CLASP2: variants seen among roughly 807,000 people sequenced by gnomAD.
CLASP2 encodes the protein cytoplasmic linker associated protein 2.
A neutral mutation model predicts 194.4 loss-of-function variants in CLASP2; 47 were observed. The observed-to-expected ratio is 0.24, with a 90% CI of 0.19 to 0.31. The LOEUF is 0.31. Ranked by LOEUF, CLASP2 falls within the 10% of genes least tolerant of loss-of-function variation. The pLI is 1.00. For synonymous variants in CLASP2, 619 were observed against 633.5 expected, an observed-to-expected ratio of 0.98 and a Z score of 0.34; for missense variants, 1,445 against 1,823.6, an observed-to-expected ratio of 0.79 and a Z score of 3.78.
intron 29 of CLASP2, among the ~76,000 whole-genome samples, chr3:33,554,256 T>C (rs2060538761): frequency 6.7e-6 from 1 of 149,010 alleles, no homozygotes; most frequent in African/African-American, 2.5e-5. Context: ...GTAATCAACC[T>C]AAGTGTCTAT....
At chr3:33,716,705 A>G (rs2093316751) in intron 1 of CLASP2, among the ~76,000 whole-genome samples, 2 of 152,214 alleles carry the variant, frequency 1.3e-5, no homozygotes, top group Non-Finnish European at 2.9e-5. Flanking sequence ...TAAAAATAAT[A>G]ATCAAGAGAT....
At chr3:33,697,035 AT>A (rs1322053442) in intron 1 of CLASP2, 102 bp from the exon 2 acceptor site, 7 of 700,540 alleles carry the variant, frequency 1.0e-5, no homozygotes, top group Non-Finnish European at 1.4e-5. Context: ...AATATATTAC[AT>A]TTTTTAAAAA....
At chr3:33,526,330 C>T (rs1366843537) in intron 34 of CLASP2, among the ~76,000 whole-genome samples, 1 of 152,004 alleles carries the variant, frequency 6.6e-6, no homozygotes, top group East Asian at 1.9e-4. Context: ...AGGTTGCAAT[C>T]CTAATTTCAG....
At chr3:33,668,564 C>T (rs1210451666) in intron 6 of CLASP2, among the ~76,000 whole-genome samples, 1 of 152,044 alleles carries the variant, frequency 6.6e-6, no homozygotes, top group Non-Finnish European at 1.5e-5. Flanking sequence ...AGGTGTAAAC[C>T]GAAATTAATC....
At chr3:33,512,481 G>A (rs795940) in intron 36 of CLASP2, among the ~76,000 whole-genome samples, 2 of 31,072 alleles carry the variant, frequency 6.4e-5, no homozygotes, top group East Asian at 9.4e-4. Flanking sequence ...TGGGTGCAGC[G>A]CACCAGCATG....
At chr3:33,714,148 T>C (rs2093173350) in intron 1 of CLASP2, among the ~76,000 whole-genome samples, 1 of 152,194 alleles carries the variant, frequency 6.6e-6, no homozygotes, top group South Asian at 2.1e-4. Context: ...TTTGAGACAG[T>C]GCCTGGTACT....
At chr3:33,525,103 A>G (rs1483650563) in intron 34 of CLASP2, among the ~76,000 whole-genome samples, 1 of 152,216 alleles carries the variant, frequency 6.6e-6, no homozygotes, top group Non-Finnish European at 1.5e-5. Flanking sequence ...ATGAAGTTAC[A>G]AATCAGTAAC....
At chr3:33,599,736 GT>G (rs1297032180) in intron 18 of CLASP2, among the ~76,000 whole-genome samples, 16 of 152,172 alleles carry the variant, frequency 1.1e-4, no homozygotes, top group Non-Finnish European at 1.6e-4. Context: ...TCTTACGTGT[GT>G]AAGAAGGGTA....
intron 18 of CLASP2, among the ~76,000 whole-genome samples, chr3:33,598,174 T>TC (rs763138908): frequency 1.3e-5 from 2 of 151,826 alleles, no homozygotes; most frequent in Non-Finnish European, 2.9e-5. Flanking sequence ...TTTTTTTTTT[T>TC]CACTCTAATA....
At chr3:33,676,283 T>C (rs2088613868) in intron 6 of CLASP2, among the ~76,000 whole-genome samples, 1 of 150,322 alleles carries the variant, frequency 6.7e-6, no homozygotes, top group Non-Finnish European at 1.5e-5. Context: ...ACGCCGCATA[T>C]CTACAACTAT....
chr3:33,684,280 T>C (rs2090306876), intron 6 of CLASP2, 79 bp downstream of exon 6: 2 of 734,342 alleles, frequency 2.7e-6, no homozygotes, highest in Non-Finnish European at 4.4e-6. Flanking sequence ...AAAAAATACA[T>C]TGAAATACAC....
chr3:33,513,336 C>T lies in CLASP2; in HGVS notation c.4111-2572G>A, dbSNP rs190910582. Among the ~76,000 whole-genome samples the T allele has an allele frequency of 4.6e-4, 70 of 152,210 alleles. 1 individual carries two copies. In the East Asian group the frequency reaches 9.9e-3, roughly 21 times the overall value. On this transcript the variant is annotated intron_variant, in intron 36 of 38. Coordinates refer to ENST00000682230, the MANE Select transcript of CLASP2 (RefSeq NM_001365631.1). ...GGCAGATCACTTGAGGCCAGGAGTT[C>T]GAGACCAGCCTTGCAAACACAGCGA...
At chr3:33,526,445 T>C (rs1403474865) in intron 34 of CLASP2, among the ~76,000 whole-genome samples, 2 of 152,158 alleles carry the variant, frequency 1.3e-5, no homozygotes, top group Non-Finnish European at 2.9e-5. Flanking sequence ...CCTAAATATA[T>C]ATGCACCCAA....
intron 7 of CLASP2, chr3:33,659,333 A>G: frequency 2.7e-6 from 3 of 1,125,298 alleles, no homozygotes; most frequent in Non-Finnish European, 3.3e-6. Flanking sequence ...CTGAGAGCCA[A>G]TAAATGCCAT....
chr3:33,526,455 A>G (rs1399685979), intron 34 of CLASP2, among the ~76,000 whole-genome samples: 1 of 152,248 alleles, frequency 6.6e-6, no homozygotes, highest in Non-Finnish European at 1.5e-5. Context: ...TATGCACCCA[A>G]CACAGGAGCA....
chr3:33,518,949 C>G (rs941866550), intron 34 of CLASP2, among the ~76,000 whole-genome samples: 2 of 152,152 alleles, frequency 1.3e-5, no homozygotes, highest in African/African-American at 4.8e-5. Flanking sequence ...AGAACATAGG[C>G]TCTGTAGTCT....
chr3:33,709,559 G>A (rs1259763910), intron 1 of CLASP2, among the ~76,000 whole-genome samples: 2 of 152,084 alleles, frequency 1.3e-5, no homozygotes, highest in East Asian at 1.9e-4. Flanking sequence ...GAGATGTGAC[G>A]ACGTTATACT....
At chr3:33,683,925 CTG>C (rs1239481943) in intron 6 of CLASP2, among the ~76,000 whole-genome samples, 1 of 115,892 alleles carries the variant, frequency 8.6e-6, no homozygotes, top group Non-Finnish European at 1.7e-5. Flanking sequence ...GAGCAAGACT[CTG>C]TCTCAAAAAA....
In CLASP2 at chr3:33,669,792, A is replaced by G. The variant is rs1366831439; in HGVS notation, c.645-6277T>C. 3.9e-5 allele frequency among the ~76,000 whole-genome samples: 6 copies of G among 152,308 alleles called. No individual in the cohort carries two copies. In the East Asian group the frequency reaches 1.2e-3, roughly 29 times the overall value. On this transcript the variant is annotated intron_variant, in intron 6 of 38. Transcript: ENST00000682230. ...CAAAATAATGGTGAATATGTAGAAT[A>G]ATGGAAACTTGCAAACAGTACCAGT...
Sources: allele counts gnomAD v4.1 joint callset (sites outside exome capture counted in the v4.1 genomes callset), GRCh38; gene constraint gnomAD v4.1.1; transcripts MANE v1.5; gene names NCBI Gene and HGNC (gene_info 2026-07-23, HGNC 2026-07-21).